Variants in VPS39 observed in about 807,000 individuals in gnomAD.
VPS39 encodes VPS39 subunit of HOPS complex.
VPS39 carries 70 observed loss-of-function variants against 121.0 expected under a neutral mutation model. The ratio of observed to expected loss-of-function variants is 0.58; its 90% CI spans 0.48 to 0.71. The LOEUF (loss-of-function observed/expected upper bound fraction) is 0.71, where lower values mean the gene tolerates loss of function less well. VPS39 is among the 30% of genes least tolerant of loss of function. The probability of loss-of-function intolerance (pLI) is 0.00; values close to 1 mark genes in which losing one functional copy is unlikely to be tolerated. For missense variants in VPS39, 818 were observed against 1,051.5 expected (o/e 0.78, Z 3.07); for synonymous variants, 378 against 398.1 (o/e 0.95, Z 0.60).
intron 1 of VPS39, among the ~76,000 whole-genome samples, chr15:42,202,877 T>G (rs1021038340): frequency 2.6e-5 from 4 of 152,258 alleles, no homozygotes; most frequent in Non-Finnish European, 5.9e-5. Context: ...AGATCTCTGA[T>G]GCTGTCACAC....
intron 12 of VPS39, among the ~76,000 whole-genome samples, chr15:42,168,759 G>A (rs2049293997): frequency 6.6e-6 from 1 of 152,054 alleles, no homozygotes; most frequent in Admixed American, 6.5e-5. Context: ...GGCCAGGCTG[G>A]TTTCGAACTC....
intron 11 of VPS39, among the ~76,000 whole-genome samples, chr15:42,172,790 C>A (rs116789590): frequency 0.014 from 2,181 of 152,282 alleles, 48 homozygotes; most frequent in African/African-American, 0.05. Context: ...TTTATGAATT[C>A]TTTCAACTGT....
At chr15:42,174,482 A>G (rs1488001519) in intron 10 of VPS39, among the ~76,000 whole-genome samples, 1 of 152,206 alleles carries the variant, frequency 6.6e-6, no homozygotes, top group Admixed American at 6.5e-5. Context: ...ACTAAATGCA[A>G]TCTGATTTCT....
chr15:42,166,732 T>C, intron 14 of VPS39, 40 bp downstream of exon 14: 1 of 1,613,732 alleles, frequency 6.2e-7, no homozygotes, highest in Non-Finnish European at 8.5e-7. Context: ...CCCTGCCATG[T>C]ACAAGAGCCC....
intron 2 of VPS39, chr15:42,192,097 C>T (rs1243999727): frequency 6.5e-7 from 1 of 1,536,284 alleles, no homozygotes; most frequent in African/African-American, 1.4e-5. Flanking sequence ...CATCTGCTGG[C>T]ACTGTTACAA....
rs201401430 is a variant in VPS39 at position 42,167,423 on chromosome 15, C to T, written c.1348G>A (p.Asp450Asn). The T allele has an allele frequency of 6.2e-7, 1 of 1,614,056 alleles. No homozygotes were observed. Among genetic ancestry groups the T allele is most frequent in the Non-Finnish European group, 8.5e-7 (1 of 1,180,014 alleles). ...KSKKKLLQIIDTTLLKCYLHT... is the reference protein window; with the variant it reads ...KSKKKLLQIINTTLLKCYLHT... ...AGATAGCACTTGAGCAGGGTGGTGT[C>T]GATGATTTGTAGCAGCTTCTTCTTG... is the stretch of plus-strand genomic sequence containing the variant. Residue 450 changes from aspartate to asparagine, a missense_variant, in exon 13 of 25, where the codon GAC becomes AAC. Physicochemically the swap from Asp to Asn is conservative, Grantham distance 23. Transcript: ENST00000318006.
chr15:42,164,668 T>C, intron 18 of VPS39, 182 bp from the exon 19 acceptor site: 5 of 1,435,552 alleles, frequency 3.5e-6, no homozygotes, highest in Non-Finnish European at 4.5e-6. Flanking sequence ...AACATCAGCT[T>C]ACGGTTAAAA....
chr15:42,166,356 T>C (rs2049242371), intron 15 of VPS39, 124 bp from the exon 16 acceptor site: 1 of 1,190,034 alleles, frequency 8.4e-7, no homozygotes, highest in South Asian at 1.4e-5. Flanking sequence ...ATGAGCCACT[T>C]GGGGTTGTTA....
chr15:42,180,787 T>C (rs554367882), intron 8 of VPS39, among the ~76,000 whole-genome samples: 26 of 152,316 alleles, frequency 1.7e-4, no homozygotes, highest in African/African-American at 6.0e-4. Context: ...TTCTGTGCTA[T>C]ATCAAGAATC....
At chr15:42,204,358 T>C (rs532795593) in intron 1 of VPS39, among the ~76,000 whole-genome samples, 2 of 152,290 alleles carry the variant, frequency 1.3e-5, no homozygotes, top group East Asian at 1.9e-4. Context: ...TTTTAAAATT[T>C]AATCTTGTTG....
intron 11 of VPS39, among the ~76,000 whole-genome samples, chr15:42,170,741 ATTTTTT>A (rs869280235): frequency 2.6e-4 from 13 of 50,484 alleles, no homozygotes; most frequent in African/African-American, 5.1e-4. Flanking sequence ...ATGCTCGCAG[ATTTTTT>A]TTTTTTTTTT....
At chr15:42,190,102 A>G (rs962554630) in intron 4 of VPS39, among the ~76,000 whole-genome samples, 3 of 152,102 alleles carry the variant, frequency 2.0e-5, no homozygotes, top group Non-Finnish European at 2.9e-5. Flanking sequence ...GGTGTGAGCC[A>G]CTGCACCCAG....
rs535052233 is a variant in VPS39, at chr15:42,158,701, T to C, written c.*2053A>G. 2.6e-5 allele frequency: 4 copies of C among 152,340 alleles called. No homozygotes were observed. The highest frequency in any genetic ancestry group is 1.9e-4 in the East Asian group (1 of 5,188). 9.4% of individuals were successfully genotyped at this position (152,340 alleles called of 1,614,324 possible). On this transcript the variant is annotated 3_prime_UTR_variant, in exon 25 of 25. Transcript: ENST00000318006. Reference sequence around the variant, plus strand: ...GGGAGGGAGAAATAAGAGACCCAGATAGGCTTGGTTTCTTGCTTTATTAGG... The same window carrying C: ...GGGAGGGAGAAATAAGAGACCCAGACAGGCTTGGTTTCTTGCTTTATTAGG...
In VPS39 at chr15:42,165,104, T is replaced by A. The variant is rs1254377111; in HGVS notation, c.1789A>T (p.Ile597Phe). ...GLAIPYLEHI[I>F]HVWEETGSRF... ...GAGCCTGTCTCCTCCCAAACATGGA[T>A]GATGTGTTCCTGAGGCAAGATGTAG... The change falls in exon 18 of 25, where the codon ATC (isoleucine) becomes TTC (phenylalanine). Residue 597 changes from isoleucine (I) to phenylalanine (F), a missense_variant. Transcript: ENST00000318006. 1 of 1,614,192 alleles carries A rather than the reference T, an allele frequency of 6.2e-7. No homozygotes were observed. Among genetic ancestry groups the A allele is most frequent in the Admixed American group, 1.7e-5 (1 of 60,028 alleles).
At position 42,191,174 on chromosome 15, in the gene VPS39, A is replaced by T; in HGVS notation, c.205-7T>A. 1 of 1,614,100 alleles carries T rather than the reference A, an allele frequency of 6.2e-7. No homozygotes were observed. Among genetic ancestry groups the T allele is most frequent in the Non-Finnish European group, 8.5e-7 (1 of 1,179,960 alleles). ...ACTGGGAAACCACATGGATCTGGAA[A>T]ATAGGAAATCATGAGACCCAATTAA... On this transcript the variant is annotated splice_region_variant and splice_polypyrimidine_tract_variant and intron_variant, in intron 3 of 24. Coordinates refer to ENST00000318006, the MANE Select transcript of VPS39 (RefSeq NM_015289.5).
At chr15:42,160,942 C>T (rs2049115405) in intron 24 of VPS39, 113 bp from the exon 25 acceptor site, 2 of 1,025,664 alleles carry the variant, frequency 1.9e-6, no homozygotes, top group Admixed American at 1.9e-5. Flanking sequence ...CCAAAAGCAG[C>T]CCACCCAAAC....
chr15:42,185,309 G>C (rs1384351585), intron 7 of VPS39, among the ~76,000 whole-genome samples: 1 of 151,568 alleles, frequency 6.6e-6, no homozygotes, highest in Admixed American at 6.6e-5. Flanking sequence ...CTCCTGAGTA[G>C]CTGGAACTAC....
chr15:42,162,116 G>A lies in VPS39; in HGVS notation c.2376C>T (p.Phe792=), dbSNP rs150735415. ...ANTQINDIRI[F]LEKVLEENAQ... is the part of the protein sequence containing the mutation. Reference sequence around the variant, plus strand: ...CATTTTCTTCCAAGACCTTTTCCAGGAAGATGCGTATGTCATTGATCTGAG... The same window carrying A: ...CATTTTCTTCCAAGACCTTTTCCAGAAAGATGCGTATGTCATTGATCTGAG... Residue 792 remains phenylalanine, a synonymous_variant, in exon 23 of 25, where the codon TTC becomes TTT. Transcript: ENST00000318006. 6.1e-5 allele frequency: 99 copies of A among 1,614,210 alleles called. No individual in the cohort carries two copies. In the African/African-American group the frequency reaches 1.1e-3, roughly 19 times the overall value.
At chr15:42,192,244 A>G in intron 2 of VPS39, 1 of 819,282 alleles carries the variant, frequency 1.2e-6, no homozygotes, top group Non-Finnish European at 2.0e-6. Context: ...AGCAGCTATC[A>G]TGAAGCAATA....
Sources: gnomAD v4.1 joint callset for allele counts (sites outside exome capture counted in the v4.1 genomes callset) on GRCh38, gnomAD v4.1.1 for gene constraint, MANE v1.5 for transcripts, NCBI Gene and HGNC (gene_info 2026-07-23, HGNC 2026-07-21) for gene names.